HDHD3: variants seen among roughly 807,000 people sequenced by gnomAD.
HDHD3 encodes haloacid dehalogenase-like hydrolase domain-containing protein 3.
In HDHD3, 6 loss-of-function variants were observed where a neutral mutation model predicts 6.9. The observed-to-expected ratio is 0.87, with a 90% CI of 0.48 to 1.72. The LOEUF (loss-of-function observed/expected upper bound fraction) is 1.72. Among genes scored for constraint, HDHD3 ranks in the 40% most tolerant of loss-of-function variants. The pLI is 0.01. For synonymous variants in HDHD3, 139 were observed against 140.7 expected, an observed-to-expected ratio of 0.99 and a Z score of 0.08; for missense variants, 308 against 327.4, an observed-to-expected ratio of 0.94 and a Z score of 0.46.
rs767466457 is a variant in HDHD3, at chr9:113,374,146, G to T, written c.209C>A (p.Thr70Asn). The T allele has an allele frequency of 1.3e-6, 2 of 1,597,424 alleles. No homozygotes were observed. The highest frequency in any genetic ancestry group is 1.7e-5 in the Admixed American group (1 of 59,554). Residue 70 changes from threonine (T) to asparagine (N), a missense_variant, in exon 3 of 3, where the codon ACC becomes AAC. Physicochemically the swap from Thr to Asn is moderately conservative, Grantham distance 65 (BLOSUM62 0). Transcript: ENST00000374180. ...CACATCCAGCCACCACTGGCGGGAG[G>T]TTAGGCCGTGGCTCAGGCCGTAGTT... is the stretch of plus-strand genomic sequence containing the variant. ...FPNYGLSHGL[T>N]SRQWWLDVVL... is the part of the protein sequence containing the mutation.
Position 113,374,360 on chromosome 9 carries a change from A to G in HDHD3, c.-6T>C. On this transcript the variant is annotated 5_prime_UTR_variant, in exon 3 of 3. Transcript: ENST00000374180. The stretch of plus-strand genomic sequence containing the variant: ...ATCTGCAGCCGGTGTGCCATGGAGG[A>G]GGCCAAGTCCACCCCAGTTCTGCCT... 1 of 1,508,874 alleles carries G rather than the reference A, an allele frequency of 6.6e-7. No homozygotes were observed. The highest frequency in any genetic ancestry group is 8.9e-7 in the Non-Finnish European group (1 of 1,127,886). 93.5% of individuals were successfully genotyped at this position (1,508,874 alleles called of 1,614,324 possible).
Position 113,376,887 on chromosome 9 carries a change from G to T in HDHD3, c.-449C>A, listed in dbSNP as rs1208051929. On this transcript the variant is annotated 5_prime_UTR_variant, in exon 1 of 3. Coordinates refer to ENST00000374180, the MANE Select transcript of HDHD3 (RefSeq NM_001304509.2). Reference sequence around the variant, plus strand: ...TGGGTCCCCTTCTCAGCTGTAGGGCGTCCACGGCTCCGGGCCGGTTCCTGG... The same window carrying T: ...TGGGTCCCCTTCTCAGCTGTAGGGCTTCCACGGCTCCGGGCCGGTTCCTGG... 1 of 152,226 alleles carries T rather than the reference G, an allele frequency of 6.6e-6. No individual in the cohort carries two copies. The highest frequency in any genetic ancestry group is 2.4e-5 in the African/African-American group (1 of 41,448). 9.4% of individuals were successfully genotyped at this position (152,226 alleles called of 1,614,324 possible).
chr9:113,376,590 T>TTCCCCCCCCCCCCCCCCCCCCC (rs137860074), intron 1 of HDHD3, 139 bp downstream of exon 1: 5 of 134,288 alleles, frequency 3.7e-5, no homozygotes, highest in Admixed American at 7.6e-5. Context: ...CTCGTGATCC[T>TTCCCCCCCCCCCCCCCCCCCCC]CCCCCGCCCC....
chr9:113,373,898 G>A lies in HDHD3; in HGVS notation c.457C>T (p.His153Tyr). The A allele has an allele frequency of 6.2e-7, 1 of 1,614,262 alleles. No individual in the cohort carries two copies. The highest frequency in any genetic ancestry group is 8.5e-7 in the Non-Finnish European group (1 of 1,180,046). ...GILGGLGLRE[H>Y]FDFVLTSEAA... is the part of the protein sequence containing the mutation. ...TCGGAGGTCAGCACAAAGTCGAAGT[G>A]TTCACGCAGGCCAAGGCCCCCCAGG... The change falls in exon 3 of 3, where the codon CAC becomes TAC. Residue 153 changes from histidine (H) to tyrosine (Y), a missense_variant. Coordinates refer to ENST00000374180, the MANE Select transcript of HDHD3 (RefSeq NM_001304509.2).
chr9:113,373,530 C>A lies in HDHD3; in HGVS notation c.*69G>T. 6.9e-7 allele frequency: 1 copy of A among 1,459,738 alleles called. No homozygotes were observed. Among genetic ancestry groups the A allele is most frequent in the East Asian group, 2.3e-5 (1 of 43,660 alleles). The allele number at this position is 1,459,738 out of a possible 1,614,324, so 90.4% of individuals were successfully genotyped here. ...TCCAGAGCTGTGGAGAAAGAAGGGGCTCCCTGTCTCCAGGGTTTGTTTAAG... is the reference window on the plus strand; with the variant it reads ...TCCAGAGCTGTGGAGAAAGAAGGGGATCCCTGTCTCCAGGGTTTGTTTAAG... On this transcript the variant is annotated 3_prime_UTR_variant, in exon 3 of 3. Coordinates refer to ENST00000374180, the MANE Select transcript of HDHD3 (RefSeq NM_001304509.2).
At chr9:113,376,590 T>TTCCCCCCCCCCCCCCCCCCCC (rs137860074) in intron 1 of HDHD3, 139 bp downstream of exon 1, 9 of 134,286 alleles carry the variant, frequency 6.7e-5, no homozygotes, top group East Asian at 2.5e-4. Context: ...CTCGTGATCC[T>TTCCCCCCCCCCCCCCCCCCCC]CCCCCGCCCC....
Position 113,374,042 on chromosome 9 carries a change from A to C in HDHD3, c.313T>G (p.Phe105Val). The C allele has an allele frequency of 6.2e-7, 1 of 1,614,128 alleles. No individual in the cohort carries two copies. The highest frequency in any genetic ancestry group is 1.1e-5 in the South Asian group (1 of 91,078). ...ACCTGCCAGGTGCAGGGGTGGCTGAAGTCTTTATAAAGCTGTTCAGCGATG... is the reference window on the plus strand; with the variant it reads ...ACCTGCCAGGTGCAGGGGTGGCTGACGTCTTTATAAAGCTGTTCAGCGATG... ...APIAEQLYKDFSHPCTWQVLD... is the reference protein window; with the variant it reads ...APIAEQLYKDVSHPCTWQVLD... Residue 105 changes from phenylalanine (F) to valine (V), a missense_variant, in exon 3 of 3, where the codon TTC (phenylalanine) becomes GTC (valine). By Grantham distance (50) the Phe-to-Val change is conservative. Coordinates refer to ENST00000374180, the MANE Select transcript of HDHD3 (RefSeq NM_001304509.2).
Position 113,373,853 on chromosome 9 carries a change from G to T in HDHD3, c.502C>A (p.Pro168Thr). 6.2e-7 allele frequency: 1 copy of T among 1,614,236 alleles called. No individual in the cohort carries two copies. The stretch of plus-strand genomic sequence containing the variant: ...GCCTCCTGGAAAATGCGGGGGTCCG[G>T]CTTGGGCCAGCCAGCAGCCTCGGAG... ...LTSEAAGWPK[P>T]DPRIFQEALR... Residue 168 changes from proline to threonine, a missense_variant, in exon 3 of 3, where the codon CCG (proline) becomes ACG (threonine). By Grantham distance (38) the Pro-to-Thr change is conservative. Transcript: ENST00000374180.
rs1738808481 is a variant in HDHD3, at chr9:113,373,652, C to T, written c.703G>A (p.Ala235Thr). 8 of 1,610,306 alleles carry T rather than the reference C, an allele frequency of 5.0e-6. No individual in the cohort carries two copies. Among genetic ancestry groups the T allele is most frequent in the Non-Finnish European group, 6.8e-6 (8 of 1,178,088 alleles). Residue 235 changes from alanine (A) to threonine (T), a missense_variant, in exon 3 of 3, where the codon GCC becomes ACC. Physicochemically the swap from Ala to Thr is moderately conservative, Grantham distance 58. Coordinates refer to ENST00000374180, the MANE Select transcript of HDHD3 (RefSeq NM_001304509.2). ...CAGTCAAGGGCAGGCAGGAGATGGG[C>T]CAGAGAGGGGAGGATGTGTTCTTTA... Reference protein sequence around the residue: ...VPKEHILPSLAHLLPALDCLE... With the variant: ...VPKEHILPSLTHLLPALDCLE...
In HDHD3 at chr9:113,373,970, G is replaced by C; in HGVS notation, c.385C>G (p.Leu129Val). 6.2e-7 allele frequency: 1 copy of C among 1,614,246 alleles called. No homozygotes were observed. Among genetic ancestry groups the C allele is most frequent in the South Asian group, 1.1e-5 (1 of 91,092 alleles). The change falls in exon 3 of 3, where the codon CTG becomes GTG. Residue 129 changes from leucine to valine, a missense_variant. Coordinates refer to ENST00000374180, the MANE Select transcript of HDHD3 (RefSeq NM_001304509.2). ...DTLRECRTRGLRLAVISNFDR... is the reference protein window; with the variant it reads ...DTLRECRTRGVRLAVISNFDR... Reference sequence around the variant, plus strand: ...AAGTTGGAGATCACTGCCAGTCTCAGACCCCGTGTGCGGCACTCCCTCAGG... The same window carrying C: ...AAGTTGGAGATCACTGCCAGTCTCACACCCCGTGTGCGGCACTCCCTCAGG...
rs1564353800 is a variant in HDHD3 at position 113,374,021 on chromosome 9, G to A, written c.334C>T (p.Gln112Ter). ...GTGTCCTCAGCCCCATCCAACACCTGCCAGGTGCAGGGGTGGCTGAAGTCT... is the reference window on the plus strand; with the variant it reads ...GTGTCCTCAGCCCCATCCAACACCTACCAGGTGCAGGGGTGGCTGAAGTCT... ...YKDFSHPCTW[Q>*]VLDGAEDTLR... The change falls in exon 3 of 3, where the codon CAG (glutamine) becomes TAG (stop). Residue 112 changes from glutamine to a stop codon, truncating the protein, a stop_gained. Coordinates refer to ENST00000374180, the MANE Select transcript of HDHD3 (RefSeq NM_001304509.2). LOFTEE classifies it high-confidence loss of function. The A allele has an allele frequency of 3.7e-6, 6 of 1,614,190 alleles. No individual in the cohort carries two copies. The highest frequency in any genetic ancestry group is 1.7e-5 in the Admixed American group (1 of 60,028).
At position 113,374,255 on chromosome 9, in the gene HDHD3, G is replaced by C; in HGVS notation, c.100C>G (p.Arg34Gly). The change falls in exon 3 of 3, where the codon CGG becomes GGG. Residue 34 changes from arginine (R) to glycine (G), a missense_variant. Coordinates refer to ENST00000374180, the MANE Select transcript of HDHD3 (RefSeq NM_001304509.2). ...GGCTCCACCTCCAGCCCATGGGCCCGGGCCTTGGTGGCATAGGCCTCCCCT... is the reference window on the plus strand; with the variant it reads ...GGCTCCACCTCCAGCCCATGGGCCCCGGCCTTGGTGGCATAGGCCTCCCCT... ...PLGEAYATKARAHGLEVEPSA... is the reference protein window; with the variant it reads ...PLGEAYATKAGAHGLEVEPSA... The C allele has an allele frequency of 6.3e-7, 1 of 1,599,024 alleles. No individual in the cohort carries two copies. The highest frequency in any genetic ancestry group is 1.1e-5 in the South Asian group (1 of 89,572).
At chr9:113,376,425 G>C (rs1298551908) in intron 1 of HDHD3, among the ~76,000 whole-genome samples, 1 of 138,890 alleles carries the variant, frequency 7.2e-6, no homozygotes, top group African/African-American at 2.9e-5. Context: ...TCGGCTCACT[G>C]CAACTTCCGC....
Position 113,373,968 on chromosome 9 carries a change from C to A in HDHD3, c.387G>T (p.Leu129=), listed in dbSNP as rs766125220. Residue 129 remains leucine, a synonymous_variant, in exon 3 of 3, where the codon CTG becomes CTT. Transcript: ENST00000374180. ...CAAAGTTGGAGATCACTGCCAGTCT[C>A]AGACCCCGTGTGCGGCACTCCCTCA... ...DTLRECRTRG[L]RLAVISNFDR... is the part of the protein sequence containing the mutation. 6 of 1,614,262 alleles carry A rather than the reference C, an allele frequency of 3.7e-6. No homozygotes were observed.
chr9:113,376,494 C>G lies in HDHD3; in HGVS notation c.-291+235G>C, dbSNP rs1202620508. On this transcript the variant is annotated intron_variant, in intron 1 of 2. Coordinates refer to ENST00000374180, the MANE Select transcript of HDHD3 (RefSeq NM_001304509.2). Reference sequence around the variant, plus strand: ...TCCAGAGTAGCTGGGACTACAGGCGCGCGCCACCACACCTGGCTAATTTTT... The same window carrying G: ...TCCAGAGTAGCTGGGACTACAGGCGGGCGCCACCACACCTGGCTAATTTTT... Among the ~76,000 whole-genome samples, 5 of 134,566 alleles carry G rather than the reference C, an allele frequency of 3.7e-5. 2 individuals are homozygous for G. The highest frequency in any genetic ancestry group is 7.9e-5 in the Non-Finnish European group (5 of 63,530). 88.3% of individuals were successfully genotyped at this position (134,566 alleles called of 152,430 possible). A position where few individuals can be genotyped will look rare whatever the true frequency, so the allele number is the denominator to read the frequency against.
Position 113,374,416 on chromosome 9 carries a change from G to A in HDHD3, c.-62C>T. 6.9e-7 allele frequency: 1 copy of A among 1,451,874 alleles called. No homozygotes were observed. Among genetic ancestry groups the A allele is most frequent in the Non-Finnish European group, 9.2e-7 (1 of 1,092,850 alleles). 89.9% of individuals were successfully genotyped at this position (1,451,874 alleles called of 1,614,324 possible). A position where few individuals can be genotyped will look rare whatever the true frequency, so the allele number is the denominator to read the frequency against. ...CCCACGGTGGGTCCCAGGGGAAGCT[G>A]AGCTGGATAAGACCACCTCTGCGCA... On this transcript the variant is annotated 5_prime_UTR_variant, in exon 3 of 3. Transcript: ENST00000374180.
Position 113,374,464 on chromosome 9 carries a change from G to A in HDHD3, c.-110C>T. ...GCAACCTAACAATCACCTCTTTCCAGGCCTTGTGGGTCAGATTTGCTGGCT... is the reference window on the plus strand; with the variant it reads ...GCAACCTAACAATCACCTCTTTCCAAGCCTTGTGGGTCAGATTTGCTGGCT... On this transcript the variant is annotated 5_prime_UTR_variant, in exon 3 of 3. Coordinates refer to ENST00000374180, the MANE Select transcript of HDHD3 (RefSeq NM_001304509.2). 1 of 981,792 alleles carries A rather than the reference G, an allele frequency of 1.0e-6. No individual in the cohort carries two copies. Among genetic ancestry groups the A allele is most frequent in the Non-Finnish European group, 1.4e-6 (1 of 711,386 alleles). The allele number at this position is 981,792 out of a possible 1,614,324, so 60.8% of individuals were successfully genotyped here. A position where few individuals can be genotyped will look rare whatever the true frequency, so the allele number is the denominator to read the frequency against.
chr9:113,376,435 C>G lies in HDHD3; in HGVS notation c.-291+294G>C, dbSNP rs2118955759. 1.4e-5 allele frequency among the ~76,000 whole-genome samples: 2 copies of G among 143,374 alleles called. 1 individual carries two copies. The highest frequency in any genetic ancestry group is 1.4e-4 in the Admixed American group (2 of 14,626). The allele number at this position is 143,374 out of a possible 152,430, so 94.1% of individuals were successfully genotyped here. A position where few individuals can be genotyped will look rare whatever the true frequency, so the allele number is the denominator to read the frequency against. On this transcript the variant is annotated intron_variant, in intron 1 of 2. Coordinates refer to ENST00000374180, the MANE Select transcript of HDHD3 (RefSeq NM_001304509.2). Reference sequence around the variant, plus strand: ...CGATCTCGGCTCACTGCAACTTCCGCCTCCCGGATTCAAGCGATTCTCCTT... The same window carrying G: ...CGATCTCGGCTCACTGCAACTTCCGGCTCCCGGATTCAAGCGATTCTCCTT...
In HDHD3 at chr9:113,376,897, C is replaced by T. The variant is rs1588076216; in HGVS notation, c.-459G>A. ...TCTCAGCTGTAGGGCGTCCACGGCT[C>T]CGGGCCGGTTCCTGGGCCCAGGACC... On this transcript the variant is annotated 5_prime_UTR_variant, in exon 1 of 3. Transcript: ENST00000374180. 6.6e-6 allele frequency: 1 copy of T among 152,374 alleles called. No homozygotes were observed. The allele number at this position is 152,374 out of a possible 1,614,324, so 9.4% of individuals were successfully genotyped here.
Sources: allele counts gnomAD v4.1 joint callset (sites outside exome capture counted in the v4.1 genomes callset), GRCh38; gene constraint gnomAD v4.1.1; transcripts MANE v1.5; gene names NCBI Gene and HGNC (gene_info 2026-07-23, HGNC 2026-07-21).